The following GDAP1 variants were observed in gnomAD, a reference collection of about 807,000 sequenced individuals.
GDAP1 encodes ganglioside induced differentiation associated protein 1.
Under a neutral mutation model 40.1 loss-of-function variants are expected in GDAP1, and 34 were observed. The ratio of observed to expected loss-of-function variants is 0.85; its 90% CI spans 0.64 to 1.13. GDAP1 has a LOEUF of 1.13. Among genes scored for constraint, GDAP1 ranks in the 50% most tolerant of loss-of-function variants. The pLI, the probability that GDAP1 is intolerant of heterozygous loss-of-function variation, is 0.00. For synonymous variants in GDAP1, 170 were observed against 157.4 expected (o/e 1.08, Z -0.60); for missense variants, 374 against 433.7 (o/e 0.86, Z 1.22).
intron 2 of GDAP1, among the ~76,000 whole-genome samples, chr8:74,379,395 G>A (rs1165195190): frequency 2.6e-5 from 4 of 152,090 alleles, no homozygotes; most frequent in South Asian, 2.1e-4. Flanking sequence ...AGGATACAGG[G>A]GTAGTGGTTC....
rs1252707339 is a variant in GDAP1, at chr8:74,422,342, TTTCTTTCTTCCC to T, written c.166-66332_166-66321del. Among the ~76,000 whole-genome samples, 66 of 55,334 alleles carry T rather than the reference TTTCTTTCTTCCC, an allele frequency of 1.2e-3. 2 individuals are homozygous for T. Among genetic ancestry groups the T allele is most frequent in the African/African-American group, 3.7e-3 (41 of 11,166 alleles). 36.3% of individuals were successfully genotyped at this position (55,334 alleles called of 152,430 possible). ...CTTTCTTTCTTTCTTTCTTTCTTTC[TTTCTTTCTTCCC>T]TTCCTTCCTTCCTTCCTTCCTTCCT... On this transcript the variant is annotated intron_variant, in intron 2 of 2. Transcript: ENST00000523640.
chr8:74,405,508 CTG>C (rs1388984974), intron 2 of GDAP1, among the ~76,000 whole-genome samples: 19 of 150,108 alleles, frequency 1.3e-4, no homozygotes, highest in Admixed American at 1.1e-3. Context: ...GGAAGGCCAA[CTG>C]TGTTTGTTAA....
intron 2 of GDAP1, among the ~76,000 whole-genome samples, chr8:74,386,073 T>C (rs975503315): frequency 2.6e-5 from 4 of 152,246 alleles, no homozygotes; most frequent in African/African-American, 7.2e-5. Context: ...AAGTTTCTTA[T>C]AGATTCTGGA....
intron 2 of GDAP1, among the ~76,000 whole-genome samples, chr8:74,429,307 T>A (rs751601131): frequency 7.2e-5 from 11 of 151,930 alleles, no homozygotes; most frequent in African/African-American, 9.7e-5. Flanking sequence ...TAATAAAAAA[T>A]ATATATATAA....
chr8:74,372,283 C>T (rs868734708), intron 2 of GDAP1, among the ~76,000 whole-genome samples: 6 of 152,106 alleles, frequency 3.9e-5, no homozygotes, highest in Non-Finnish European at 7.4e-5. Context: ...GGTATATACC[C>T]GGTAATGGGA....
chr8:74,389,703 T>C (rs964953233), intron 2 of GDAP1, among the ~76,000 whole-genome samples: 1 of 152,200 alleles, frequency 6.6e-6, no homozygotes, highest in African/African-American at 2.4e-5. Flanking sequence ...CTGTATTTCC[T>C]GAATTTGAAT....
At chr8:74,443,026 A>C (rs10090236) in intron 2 of GDAP1, among the ~76,000 whole-genome samples, 1,651 of 152,336 alleles carry the variant, frequency 0.011, 20 homozygotes, top group African/African-American at 0.038. Context: ...AGGGATTAGA[A>C]ACTAGTTGGG....
At chr8:74,446,953 A>G (rs928025980) in intron 2 of GDAP1, among the ~76,000 whole-genome samples, 6 of 152,062 alleles carry the variant, frequency 3.9e-5, no homozygotes, top group Non-Finnish European at 8.8e-5. Context: ...TTTTTGGGGA[A>G]ATTATAGAAA....
chr8:74,446,421 A>G (rs1806227610), intron 2 of GDAP1, among the ~76,000 whole-genome samples: 3 of 152,050 alleles, frequency 2.0e-5, no homozygotes, highest in Non-Finnish European at 1.5e-5. Context: ...GGTGCTGGAG[A>G]CCAGGCCAGG....
intron 2 of GDAP1, among the ~76,000 whole-genome samples, chr8:74,461,117 C>T (rs1229282736): frequency 6.6e-6 from 1 of 152,182 alleles, no homozygotes; most frequent in South Asian, 2.1e-4. Flanking sequence ...CACCCTTACC[C>T]TCTTCATTTT....
intron 2 of GDAP1, among the ~76,000 whole-genome samples, chr8:74,381,148 A>C (rs1465121470): frequency 6.6e-6 from 1 of 152,064 alleles, no homozygotes; most frequent in Non-Finnish European, 1.5e-5. Flanking sequence ...AAATTTATCA[A>C]ATTGTTTATT....
At chr8:74,419,350 A>ATCT (rs1805827013) in intron 2 of GDAP1, among the ~76,000 whole-genome samples, 1 of 152,214 alleles carries the variant, frequency 6.6e-6, no homozygotes, top group African/African-American at 2.4e-5. Context: ...ATGAAAAAGA[A>ATCT]TGTCCTATTG....
At chr8:74,470,548 C>G (rs1009149686) in intron 2 of GDAP1, among the ~76,000 whole-genome samples, 6 of 152,176 alleles carry the variant, frequency 3.9e-5, no homozygotes, top group Non-Finnish European at 7.3e-5. Flanking sequence ...ATGATGGTTT[C>G]CAGCTTCATC....
intron 2 of GDAP1, among the ~76,000 whole-genome samples, chr8:74,354,975 C>T (rs189046693): frequency 9.9e-5 from 15 of 152,266 alleles, no homozygotes; most frequent in East Asian, 9.6e-4. Context: ...CCCTTGTTAT[C>T]GATCCAGTGG....
intron 2 of GDAP1, among the ~76,000 whole-genome samples, chr8:74,375,131 A>G (rs1304975819): frequency 1.3e-5 from 2 of 152,190 alleles, no homozygotes; most frequent in Non-Finnish European, 2.9e-5. Context: ...GTTGGAGACC[A>G]GCCTGGCCAA....
chr8:74,387,083 G>C (rs1210994958), intron 2 of GDAP1, among the ~76,000 whole-genome samples: 1 of 152,210 alleles, frequency 6.6e-6, no homozygotes, highest in African/African-American at 2.4e-5. Flanking sequence ...ATTTTAGGCT[G>C]AGACGATGGG....
chr8:74,377,441 G>A (rs1809874784), intron 2 of GDAP1, among the ~76,000 whole-genome samples: 1 of 152,150 alleles, frequency 6.6e-6, no homozygotes, highest in Admixed American at 6.5e-5. Context: ...ACACAAAAAT[G>A]CTCAACATTG....
intron 2 of GDAP1, among the ~76,000 whole-genome samples, chr8:74,448,737 A>G (rs1305806420): frequency 7.9e-5 from 12 of 152,030 alleles, no homozygotes; most frequent in Admixed American, 7.9e-4. Context: ...GTCACATACA[A>G]TGTGGTCTTT....
chr8:74,403,493 G>T lies in GDAP1; in HGVS notation c.165+52172G>T, dbSNP rs1805590958. On this transcript the variant is annotated intron_variant, in intron 2 of 2. Transcript: ENST00000523640. ...ATAGGAGATGACTAGAATTGCAAAT[G>T]AACCCAGATGGTGGAATTTTCTTTT... Among the ~76,000 whole-genome samples, 3 of 150,298 alleles carry T rather than the reference G, an allele frequency of 2.0e-5. No individual in the cohort carries two copies. In the South Asian group the frequency reaches 6.2e-4, roughly 31 times the overall value.
Sources: gnomAD v4.1 joint callset for allele counts (sites outside exome capture counted in the v4.1 genomes callset) on GRCh38, gnomAD v4.1.1 for gene constraint, MANE v1.5 for transcripts, NCBI Gene and HGNC (gene_info 2026-07-23, HGNC 2026-07-21) for gene names.